The following BTAF1 variants were observed in gnomAD, a reference collection of about 807,000 sequenced individuals.
BTAF1 encodes B-TFIID TATA-box binding protein associated factor 1.
Under a neutral mutation model 227.1 loss-of-function variants are expected in BTAF1, and 38 were observed. The observed-to-expected ratio is 0.17, with a 90% CI of 0.13 to 0.22. BTAF1 has a LOEUF of 0.22. Ranked by LOEUF, BTAF1 falls within the 10% of genes least tolerant of loss-of-function variation. The pLI is 1.00. For synonymous variants in BTAF1, 742 were observed against 751.9 expected, an observed-to-expected ratio of 0.99 and a Z score of 0.21; for missense variants, 1,598 against 2,204.0, an observed-to-expected ratio of 0.73 and a Z score of 5.51.
rs1846108919 is a variant in BTAF1, at chr10:91,956,674, CTAAAG to C, written c.831+20_831+24del. On this transcript the variant is annotated intron_variant, in intron 7 of 37. Coordinates refer to ENST00000265990, the MANE Select transcript of BTAF1 (RefSeq NM_003972.3). ...ATTGAAGAGGTACTCTTGAAAGACT[CTAAAG>C]TATCCATTAAAATTGCTTATAATCT... is the stretch of plus-strand genomic sequence containing the variant. 6.2e-7 allele frequency: 1 copy of C among 1,603,622 alleles called. No individual in the cohort carries two copies. The highest frequency in any genetic ancestry group is 1.3e-5 in the African/African-American group (1 of 74,310).
chr10:92,016,234 G>A (rs1166669833), intron 32 of BTAF1, 106 bp from the exon 33 acceptor site: 1 of 1,341,840 alleles, frequency 7.5e-7, no homozygotes, highest in East Asian at 2.6e-5. Flanking sequence ...TTTCATTAAT[G>A]AGGGCTGATT....
chr10:92,020,183 A>T (rs1278134627), intron 34 of BTAF1, among the ~76,000 whole-genome samples: 2 of 151,808 alleles, frequency 1.3e-5, no homozygotes, highest in Non-Finnish European at 2.9e-5. Context: ...CTTTTACATG[A>T]CCATTTGCTT....
rs892896554 is a variant in BTAF1, at chr10:92,016,435, A to G, written c.4680A>G (p.Pro1560=). Residue 1560 remains proline (P), a synonymous_variant, in exon 33 of 38, where the codon CCA becomes CCG. Coordinates refer to ENST00000265990, the MANE Select transcript of BTAF1 (RefSeq NM_003972.3). Reference sequence around the variant, plus strand: ...CACTTTCTGAAGAAACTGAAAAACCAAAGCTTAAAGCTACAGGCCACGTAT... The same window carrying G: ...CACTTTCTGAAGAAACTGAAAAACCGAAGCTTAAAGCTACAGGCCACGTAT... ...SATLSEETEK[P]KLKATGHVFQ... 3.8e-6 allele frequency: 6 copies of G among 1,586,502 alleles called. No homozygotes were observed. In the African/African-American group the frequency reaches 8.2e-5, roughly 22 times the overall value.
intron 12 of BTAF1, among the ~76,000 whole-genome samples, chr10:91,963,562 C>T (rs560109923): frequency 6.6e-6 from 1 of 152,170 alleles, no homozygotes; most frequent in Non-Finnish European, 1.5e-5. Flanking sequence ...ACTCATCACA[C>T]CCACCCCTCT....
At position 92,028,836 on chromosome 10, in the gene BTAF1, G is replaced by C. The variant is rs1247186927; in HGVS notation, c.5453G>C (p.Ser1818Thr). 1 of 1,608,872 alleles carries C rather than the reference G, an allele frequency of 6.2e-7. No individual in the cohort carries two copies. The highest frequency in any genetic ancestry group is 1.1e-5 in the South Asian group (1 of 90,026). Residue 1818 changes from serine (S) to threonine (T), a missense_variant, in exon 38 of 38, where the codon AGT becomes ACT. Coordinates refer to ENST00000265990, the MANE Select transcript of BTAF1 (RefSeq NM_003972.3). ...KADTSTSGKA[S>T]MKSILENLSD... ...GACACCTCTACTTCTGGGAAAGCAAGTATGAAATCAATTCTTGAAAACCTG... is the reference window on the plus strand; with the variant it reads ...GACACCTCTACTTCTGGGAAAGCAACTATGAAATCAATTCTTGAAAACCTG...
intron 14 of BTAF1, among the ~76,000 whole-genome samples, chr10:91,971,876 T>C (rs1164992283): frequency 1.3e-5 from 2 of 152,102 alleles, no homozygotes; most frequent in Non-Finnish European, 2.9e-5. Flanking sequence ...GGGAATTGTA[T>C]GAAACAGCAT....
chr10:91,989,626 A>G (rs1356564427), intron 20 of BTAF1, 46 bp downstream of exon 20: 22 of 1,504,934 alleles, frequency 1.5e-5, no homozygotes, highest in Non-Finnish European at 2.0e-5. Flanking sequence ...AACCTTTTAA[A>G]TTTGTTTTTG....
At chr10:91,926,437 C>T (rs1843836777) in intron 1 of BTAF1, among the ~76,000 whole-genome samples, 1 of 152,138 alleles carries the variant, frequency 6.6e-6, no homozygotes, top group Non-Finnish European at 1.5e-5. Context: ...CTTCCCTTTT[C>T]CTCCCACACC....
chr10:91,970,085 A>AT (rs5786982), intron 14 of BTAF1, among the ~76,000 whole-genome samples: 140,428 of 146,840 alleles, frequency 0.96, 67,307 homozygotes, highest in East Asian at 1. Context: ...TTGTCCAGGG[A>AT]TTTTTTTTTT....
chr10:92,024,225 A>AT (rs918861819), intron 34 of BTAF1, among the ~76,000 whole-genome samples: 1 of 152,052 alleles, frequency 6.6e-6, no homozygotes, highest in Non-Finnish European at 1.5e-5. Context: ...CTTTTCTATA[A>AT]TTTTTTCTAC....
At chr10:91,954,408 G>A (rs1208401415) in intron 6 of BTAF1, among the ~76,000 whole-genome samples, 3 of 152,122 alleles carry the variant, frequency 2.0e-5, no homozygotes, top group Non-Finnish European at 2.9e-5. Context: ...GAAAAGAACT[G>A]TGTGGGTAAA....
chr10:91,936,135 A>G (rs933184825), intron 2 of BTAF1, among the ~76,000 whole-genome samples: 3 of 152,204 alleles, frequency 2.0e-5, no homozygotes, highest in Admixed American at 1.3e-4. Context: ...ATTGAAATAC[A>G]TGAGAAGCTG....
At chr10:91,995,655 G>A (rs1849086884) in intron 23 of BTAF1, among the ~76,000 whole-genome samples, 2 of 150,404 alleles carry the variant, frequency 1.3e-5, no homozygotes, top group African/African-American at 2.5e-5. Context: ...TAGCCTAGGC[G>A]ACAGAGCGAG....
intron 14 of BTAF1, among the ~76,000 whole-genome samples, chr10:91,978,814 G>GTTTTTTTTTTTTTTTTTTTTTTT (rs145477284): frequency 1.1e-5 from 1 of 89,866 alleles, no homozygotes; most frequent in Non-Finnish European, 2.0e-5. Context: ...TTTATGGCTT[G>GTTTTTTTTTTTTTTTTTTTTTTT]TTTTTTTTTT....
intron 33 of BTAF1, among the ~76,000 whole-genome samples, chr10:92,017,832 A>T (rs1387541918): frequency 6.6e-6 from 1 of 152,166 alleles, no homozygotes; most frequent in Admixed American, 6.5e-5. Context: ...TTTTAATCCT[A>T]GTGCTCAGCA....
intron 25 of BTAF1, among the ~76,000 whole-genome samples, chr10:91,998,483 AAAG>A (rs1445393993): frequency 6.6e-6 from 1 of 152,194 alleles, no homozygotes; most frequent in Admixed American, 6.5e-5. Context: ...GGAGTATGAA[AAAG>A]AAGACTAGAA....
At chr10:91,965,049 A>C (rs373914166) in intron 13 of BTAF1, among the ~76,000 whole-genome samples, 1 of 152,204 alleles carries the variant, frequency 6.6e-6, no homozygotes, top group African/African-American at 2.4e-5. Context: ...AAATATTTCA[A>C]ATAATACTGA....
At chr10:91,967,348 C>T (rs1331058533) in intron 14 of BTAF1, among the ~76,000 whole-genome samples, 1 of 152,174 alleles carries the variant, frequency 6.6e-6, no homozygotes, top group African/African-American at 2.4e-5. Flanking sequence ...TTATAAAAGG[C>T]TTCACATTCC....
Position 91,925,516 on chromosome 10 carries a change from C to CTTTTTTTTTTTTTTTTTTTT in BTAF1, c.14+1439_14+1440insTTTTTTTTTTTTTTTTTTTT, listed in dbSNP as rs6144026. 5.4e-3 allele frequency among the ~76,000 whole-genome samples: 622 copies of CTTTTTTTTTTTTTTTTTTTT among 114,440 alleles called. 47 individuals carry two copies. The highest frequency in any genetic ancestry group is 9.4e-3 in the Non-Finnish European group (495 of 52,790). The allele number at this position is 114,440 out of a possible 152,430, so 75.1% of individuals were successfully genotyped here. ...CCTAATTTTCGGGCAACGCTAATCT[C>CTTTTTTTTTTTTTTTTTTTT]TTTTTTTTTTTTTGAGAAGGAATCT... On this transcript the variant is annotated intron_variant, in intron 1 of 37. Coordinates refer to ENST00000265990, the MANE Select transcript of BTAF1 (RefSeq NM_003972.3).
Sources: gnomAD v4.1 joint callset for allele counts (sites outside exome capture counted in the v4.1 genomes callset) on GRCh38, gnomAD v4.1.1 for gene constraint, MANE v1.5 for transcripts, NCBI Gene and HGNC (gene_info 2026-07-23, HGNC 2026-07-21) for gene names.